Variants in ECD observed in about 807,000 individuals in gnomAD.
ECD encodes the protein ecdysoneless cell cycle regulator, also known as protein ecdysoneless homolog.
ECD carries 59 observed loss-of-function variants against 77.2 expected under a neutral mutation model. The ratio of observed to expected loss-of-function variants is 0.76; its 90% CI spans 0.62 to 0.95. The LOEUF is 0.95. Among genes scored for constraint, ECD ranks in the 40% least tolerant of loss-of-function variants. The probability of loss-of-function intolerance (pLI) is 0.00; values close to 1 mark genes in which losing one functional copy is unlikely to be tolerated. For missense variants in ECD, 704 were observed against 763.4 expected (o/e 0.92, Z 0.92); for synonymous variants, 233 against 267.4 (o/e 0.87, Z 1.26).
chr10:73,164,857 C>T (rs979493524), intron 1 of ECD, among the ~76,000 whole-genome samples: 2 of 152,166 alleles, frequency 1.3e-5, no homozygotes, highest in African/African-American at 4.8e-5. Context: ...AATCTAGTAT[C>T]ACATTCCCCA....
chr10:73,140,490 T>C (rs1416404350), intron 9 of ECD, among the ~76,000 whole-genome samples: 2 of 150,916 alleles, frequency 1.3e-5, no homozygotes, highest in African/African-American at 4.9e-5. Flanking sequence ...GGAGTTCACT[T>C]GGCCAACATG....
At chr10:73,156,737 TC>T in intron 3 of ECD, 82 bp from the exon 4 acceptor site, 1 of 1,295,984 alleles carries the variant, frequency 7.7e-7, no homozygotes, top group Non-Finnish European at 1.1e-6. Flanking sequence ...TAATACATTT[TC>T]CTCTTCATCT....
chr10:73,135,592 G>A (rs1461977442), intron 13 of ECD, among the ~76,000 whole-genome samples: 2 of 151,776 alleles, frequency 1.3e-5, no homozygotes, highest in Admixed American at 6.6e-5. Context: ...ACGGTGGTGC[G>A]CACCTGTAGT....
chr10:73,142,013 G>A (rs562718954), intron 9 of ECD, among the ~76,000 whole-genome samples: 2 of 152,144 alleles, frequency 1.3e-5, no homozygotes, highest in East Asian at 3.9e-4. Flanking sequence ...TAGAGTGCGT[G>A]GCATGATCAC....
intron 9 of ECD, among the ~76,000 whole-genome samples, chr10:73,145,001 A>C (rs1843105044): frequency 6.6e-6 from 1 of 152,214 alleles, no homozygotes; most frequent in Non-Finnish European, 1.5e-5. Context: ...TGCCACATGG[A>C]CATTATACAT....
chr10:73,137,676 T>C (rs1239995678), intron 12 of ECD, among the ~76,000 whole-genome samples: 1 of 150,944 alleles, frequency 6.6e-6, no homozygotes, highest in African/African-American at 2.4e-5. Flanking sequence ...CTCAGGAGGC[T>C]GAGGCAGAAG....
chr10:73,154,798 G>C (rs991452300), intron 5 of ECD, among the ~76,000 whole-genome samples: 1 of 151,868 alleles, frequency 6.6e-6, no homozygotes, highest in African/African-American at 2.4e-5. Context: ...GCTGGGCGTG[G>C]TGGCATACGC....
intron 9 of ECD, among the ~76,000 whole-genome samples, chr10:73,140,549 G>T (rs550602638): frequency 2.5e-3 from 381 of 152,016 alleles, no homozygotes; most frequent in African/African-American, 8.7e-3. Flanking sequence ...GGGCATTGTG[G>T]CACGTGCCTG....
chr10:73,142,561 G>A (rs1843072509), intron 9 of ECD, among the ~76,000 whole-genome samples: 1 of 150,776 alleles, frequency 6.6e-6, no homozygotes, highest in South Asian at 2.1e-4. Flanking sequence ...TTGAACCCGG[G>A]AGGTGGAGGC....
chr10:73,165,277 C>G (rs1843439052), intron 1 of ECD, among the ~76,000 whole-genome samples: 1 of 152,198 alleles, frequency 6.6e-6, no homozygotes, highest in African/African-American at 2.4e-5. Context: ...CATTTTACCT[C>G]TGTCCTAAAT....
In ECD at chr10:73,156,428, C is replaced by T. The variant is rs1423468225; in HGVS notation, c.437G>A (p.Cys146Tyr). The T allele has an allele frequency of 6.2e-7, 1 of 1,609,642 alleles. No individual in the cohort carries two copies. Among genetic ancestry groups the T allele is most frequent in the South Asian group, 1.1e-5 (1 of 89,942 alleles). The part of the protein sequence containing the change: ...NRVFFCHGEL[C>Y]IIPAPRKSGA... The stretch of plus-strand genomic sequence containing the variant: ...AGATTTTCTTGGTGCAGGGATAATA[C>T]ACAATTCCCCATGGCAGAAAAATAC... Residue 146 changes from cysteine (C) to tyrosine (Y), a missense_variant, in exon 5 of 14, where the codon TGT (cysteine) becomes TAT (tyrosine). This residue lies in a region of ECD where 559 missense variants were observed against 583.7 expected (regional missense o/e 0.96). Coordinates refer to ENST00000372979, the MANE Select transcript of ECD (RefSeq NM_007265.3).
chr10:73,137,048 A>C, intron 12 of ECD, 130 bp from the exon 13 acceptor site: 1 of 410,660 alleles, frequency 2.4e-6, no homozygotes, highest in Non-Finnish European at 3.7e-6. Flanking sequence ...TAATACACAC[A>C]GTCAGTCTAC....
rs868330452 is a variant in ECD, at chr10:73,152,370, G to C, written c.835C>G (p.Pro279Ala). 6.2e-7 allele frequency: 1 copy of C among 1,613,666 alleles called. No homozygotes were observed. The highest frequency in any genetic ancestry group is 8.5e-7 in the Non-Finnish European group (1 of 1,179,714). Residue 279 changes from proline (P) to alanine (A), a missense_variant, in exon 7 of 14, where the codon CCA becomes GCA. Coordinates refer to ENST00000372979, the MANE Select transcript of ECD (RefSeq NM_007265.3). ...YAQLVQQRFVPDRRSGYRLPP... is the reference protein window; with the variant it reads ...YAQLVQQRFVADRRSGYRLPP... ...AGCCTGTATCCACTCCGCCGGTCTG[G>C]CACAAACCTTTGTTGCACCAATTGT...
intron 7 of ECD, among the ~76,000 whole-genome samples, chr10:73,150,043 A>C (rs7072439): frequency 0.16 from 23,718 of 151,912 alleles, 3,122 homozygotes; most frequent in African/African-American, 0.33. Flanking sequence ...CATATAGAAC[A>C]AAAAAAGAGC....
chr10:73,134,739 T>C lies in ECD; in HGVS notation c.1779A>G (p.Pro593=), dbSNP rs774338740. The C allele has an allele frequency of 1.6e-5, 26 of 1,614,076 alleles. No homozygotes were observed. The highest frequency in any genetic ancestry group is 2.1e-5 in the Non-Finnish European group (25 of 1,180,044). The change falls in exon 14 of 14, where the codon CCA becomes CCG. Residue 593 remains proline (P), a synonymous_variant. Transcript: ENST00000372979. ...DSGTGESVMA[P]VDVDLNLVSN... ...AAACCAGGTTCAGGTCTACATCTAC[T>C]GGTGCCATAACAGATTCTCCCGTAC... is the stretch of plus-strand genomic sequence containing the variant.
rs545387809 is a variant in ECD, at chr10:73,140,088, G to A, written c.1128-351C>T. On this transcript the variant is annotated intron_variant, in intron 9 of 13. Coordinates refer to ENST00000372979, the MANE Select transcript of ECD (RefSeq NM_007265.3). Reference sequence around the variant, plus strand: ...CAACCTCCGCCTCCCAGGTTGAAGAGATTCTCCTGCCTCAACCTCCCAAGT... The same window carrying A: ...CAACCTCCGCCTCCCAGGTTGAAGAAATTCTCCTGCCTCAACCTCCCAAGT... Among the ~76,000 whole-genome samples, 5 of 151,990 alleles carry A rather than the reference G, an allele frequency of 3.3e-5. No homozygotes were observed. The East Asian group carries it at 7.8e-4, about 24-fold the overall frequency.
rs138209579 is a variant in ECD at position 73,143,980 on chromosome 10, T to C, written c.1127+2296A>G. 3.5e-3 allele frequency among the ~76,000 whole-genome samples: 526 copies of C among 152,148 alleles called. 1 individual carries two copies. The highest frequency in any genetic ancestry group is 0.014 in the Middle Eastern group (4 of 294). On this transcript the variant is annotated intron_variant, in intron 9 of 13. Transcript: ENST00000372979. ...CTGGAGACATTTTTGGTTGTCATGA[T>C]TGGGGGATGAGGGAGAAGTGCTATT...
chr10:73,144,004 T>C (rs1362615486), intron 9 of ECD, among the ~76,000 whole-genome samples: 2 of 152,150 alleles, frequency 1.3e-5, no homozygotes, highest in Non-Finnish European at 2.9e-5. Context: ...AGAAGTGCTA[T>C]TGATATTTAC....
At chr10:73,144,354 G>A (rs921881584) in intron 9 of ECD, among the ~76,000 whole-genome samples, 23 of 152,232 alleles carry the variant, frequency 1.5e-4, no homozygotes, top group African/African-American at 5.5e-4. Flanking sequence ...GCTGGGTGCA[G>A]TGGCTCACAC....
Sources: allele counts gnomAD v4.1 joint callset (sites outside exome capture counted in the v4.1 genomes callset), GRCh38; gene constraint gnomAD v4.1.1; regional missense constraint gnomAD v4.1.1; transcripts MANE v1.5; gene names NCBI Gene and HGNC (gene_info 2026-07-23, HGNC 2026-07-21).